Variants in SORCS1 observed in about 807,000 individuals in gnomAD.
SORCS1 encodes the protein sortilin related VPS10 domain containing receptor 1.
A neutral mutation model predicts 146.1 loss-of-function variants in SORCS1; 60 were observed. The ratio of observed to expected loss-of-function variants is 0.41; its 90% CI spans 0.33 to 0.51. SORCS1 has a LOEUF of 0.51. Ranked by LOEUF, SORCS1 falls within the 20% of genes least tolerant of loss-of-function variation. The pLI is 0.21. For synonymous variants in SORCS1, 637 were observed against 584.0 expected, an observed-to-expected ratio of 1.09 and a Z score of -1.31; for missense variants, 1,352 against 1,487.6, an observed-to-expected ratio of 0.91 and a Z score of 1.50.
intron 1 of SORCS1, among the ~76,000 whole-genome samples, chr10:107,117,172 G>A (rs149808058): frequency 7.0e-4 from 106 of 152,270 alleles, no homozygotes; most frequent in African/African-American, 2.5e-3. Context: ...TTGAAAAGAA[G>A]ATTAATATGG....
At chr10:106,698,585 A>C (rs1328271754) in intron 9 of SORCS1, among the ~76,000 whole-genome samples, 1 of 152,194 alleles carries the variant, frequency 6.6e-6, no homozygotes, top group Non-Finnish European at 1.5e-5. Context: ...AATCCAACAT[A>C]CATGATTTTC....
chr10:107,176,303 TTC>T, the SORCS1 span, among the ~76,000 whole-genome samples: 1 of 122,740 alleles, frequency 8.1e-6, no homozygotes, highest in Non-Finnish European at 1.8e-5. Context: ...CTTTCTTCCT[TTC>T]TCTCTTTCTT....
At chr10:106,925,170 T>A (rs935235460) in intron 2 of SORCS1, among the ~76,000 whole-genome samples, 8 of 152,264 alleles carry the variant, frequency 5.3e-5, no homozygotes, top group African/African-American at 1.4e-4. Context: ...CAATTCTGCA[T>A]AAATGATTGT....
chr10:106,612,345 C>T (rs1250915233), intron 21 of SORCS1, among the ~76,000 whole-genome samples: 2 of 118,994 alleles, frequency 1.7e-5, no homozygotes, highest in Non-Finnish European at 3.4e-5. Context: ...GGCCCCCCTT[C>T]CCCCCTTCTC....
At chr10:106,783,495 G>C (rs1861052271) in intron 3 of SORCS1, among the ~76,000 whole-genome samples, 2 of 151,754 alleles carry the variant, frequency 1.3e-5, no homozygotes, top group Non-Finnish European at 2.9e-5. Context: ...TATGATAGTT[G>C]AATTCCAAAA....
chr10:107,067,823 A>G (rs1319176617), intron 1 of SORCS1, among the ~76,000 whole-genome samples: 1 of 152,174 alleles, frequency 6.6e-6, no homozygotes, highest in East Asian at 1.9e-4. Flanking sequence ...CCTCACGTGA[A>G]TTGTTGTGAG....
At chr10:106,748,009 C>A (rs1215151167) in intron 5 of SORCS1, among the ~76,000 whole-genome samples, 1 of 152,150 alleles carries the variant, frequency 6.6e-6, no homozygotes. Context: ...ATTTATTGAG[C>A]ACCTCTTCCA....
chr10:106,774,969 C>T (rs111318404), intron 4 of SORCS1, among the ~76,000 whole-genome samples: 1 of 152,216 alleles, frequency 6.6e-6, no homozygotes, highest in Non-Finnish European at 1.5e-5. Flanking sequence ...ACGCTAAATA[C>T]TATTCACCAT....
chr10:107,179,412 C>A, the SORCS1 span, among the ~76,000 whole-genome samples: 1 of 152,054 alleles, frequency 6.6e-6, no homozygotes, highest in Admixed American at 6.6e-5. Context: ...TCCTAGAAAC[C>A]GTTAATTTGT....
Position 107,092,020 on chromosome 10 carries a change from G to T in SORCS1, c.558+71949C>A, listed in dbSNP as rs556553164. On this transcript the variant is annotated intron_variant, in intron 1 of 25. Coordinates refer to ENST00000263054, the MANE Select transcript of SORCS1 (RefSeq NM_052918.5). ...CCAAAACAGGCCAGTAAATCTAAGA[G>T]ATTTCCGAGAAGAGCTGCAAAGGTG... Among the ~76,000 whole-genome samples, 42 of 152,252 alleles carry T rather than the reference G, an allele frequency of 2.8e-4. 1 individual carries two copies. The highest frequency in any genetic ancestry group is 1.0e-3 in the African/African-American group (42 of 41,536).
At chr10:106,646,424 G>A (rs939497081) in intron 18 of SORCS1, among the ~76,000 whole-genome samples, 2 of 151,988 alleles carry the variant, frequency 1.3e-5, no homozygotes, top group Admixed American at 6.6e-5. Flanking sequence ...TGTTGGGCAC[G>A]GTGGCTCACG....
At chr10:106,607,367 G>A (rs1014098396) in intron 22 of SORCS1, 70 bp from the exon 23 acceptor site, 2 of 1,585,366 alleles carry the variant, frequency 1.3e-6, no homozygotes, top group Non-Finnish European at 1.7e-6. Flanking sequence ...CAAGTATTTG[G>A]TGGGGGGATC....
chr10:106,958,669 T>C (rs1475204237), intron 1 of SORCS1, among the ~76,000 whole-genome samples: 2 of 150,224 alleles, frequency 1.3e-5, no homozygotes, highest in East Asian at 2.0e-4. Flanking sequence ...TTCCAGGTCC[T>C]GTTCAAAACT....
intron 2 of SORCS1, among the ~76,000 whole-genome samples, chr10:106,834,084 C>T (rs570423149): frequency 2.6e-5 from 4 of 152,334 alleles, no homozygotes; most frequent in South Asian, 2.1e-4. Context: ...TGAGCCACCA[C>T]GCCCGGTCAT....
At chr10:107,153,682 A>G (rs1009134904) in intron 1 of SORCS1, among the ~76,000 whole-genome samples, 1 of 152,222 alleles carries the variant, frequency 6.6e-6, no homozygotes, top group African/African-American at 2.4e-5. Context: ...AGGCAACTTG[A>G]ATGTGAGCTC....
intron 23 of SORCS1, among the ~76,000 whole-genome samples, chr10:106,598,073 C>CG: frequency 6.6e-6 from 1 of 151,880 alleles, no homozygotes. Context: ...ACCCCAAGCA[C>CG]GGGGCAAATA....
intron 1 of SORCS1, among the ~76,000 whole-genome samples, chr10:106,997,862 C>A (rs765966740): frequency 6.6e-6 from 1 of 152,184 alleles, no homozygotes; most frequent in South Asian, 2.1e-4. Flanking sequence ...TTCTCCACCA[C>A]CTCCCAGTAA....
intron 2 of SORCS1, among the ~76,000 whole-genome samples, chr10:106,950,980 GT>G (rs1303913880): frequency 6.6e-6 from 1 of 152,120 alleles, no homozygotes; most frequent in African/African-American, 2.4e-5. Context: ...TCAAAGATGA[GT>G]TACGAAGAGA....
rs374995727 is a variant in SORCS1, at chr10:106,715,272, GAATT to G, written c.1025-5935_1025-5932del. Among the ~76,000 whole-genome samples, 376 of 152,314 alleles carry G rather than the reference GAATT, an allele frequency of 2.5e-3. 5 individuals carry two copies. The highest frequency in any genetic ancestry group is 8.6e-3 in the African/African-American group (358 of 41,560). Reference sequence around the variant, plus strand: ...TAATGCATGCAACTGCTAGACATTAGAATTAATTTCATTACTTTTCCTACACAGA... The same window carrying G: ...TAATGCATGCAACTGCTAGACATTAGAATTTCATTACTTTTCCTACACAGA... On this transcript the variant is annotated intron_variant, in intron 6 of 25. Coordinates refer to ENST00000263054, the MANE Select transcript of SORCS1 (RefSeq NM_052918.5).
Sources: gnomAD v4.1 joint callset for allele counts (sites outside exome capture counted in the v4.1 genomes callset) on GRCh38, gnomAD v4.1.1 for gene constraint, MANE v1.5 for transcripts, NCBI Gene and HGNC (gene_info 2026-07-23, HGNC 2026-07-21) for gene names.